DOCK8: variants seen among roughly 807,000 people sequenced by gnomAD.
DOCK8 encodes the protein dedicator of cytokinesis protein 8.
In DOCK8, 141 loss-of-function variants were observed where a neutral mutation model predicts 245.6. That is an observed-to-expected ratio of 0.57 (90% confidence interval 0.50 to 0.66). The LOEUF is 0.66. Among genes scored for constraint, DOCK8 ranks in the 30% least tolerant of loss-of-function variants. The pLI is 0.00. For synonymous variants in DOCK8, 1,168 were observed against 970.2 expected (o/e 1.20, Z -3.79); for missense variants, 2,965 against 2,603.4 (o/e 1.14, Z -3.02).
At position 406,412 on chromosome 9, in the gene DOCK8, G is replaced by A. The variant is rs530726840; in HGVS notation, c.3391-518G>A. On this transcript the variant is annotated intron_variant, in intron 27 of 47. Transcript: ENST00000432829. ...TGAGGCATGAGAATTGCTTGAACCC[G>A]GGAGAGGGAGGTTGCAGTGAGCTGA... 5.7e-4 allele frequency among the ~76,000 whole-genome samples: 86 copies of A among 151,604 alleles called. No individual in the cohort carries two copies. The South Asian group carries it at 0.015, about 26-fold the overall frequency.
chr9:298,513 G>A (rs2049368038), intron 4 of DOCK8, among the ~76,000 whole-genome samples: 2 of 152,044 alleles, frequency 1.3e-5, no homozygotes, highest in African/African-American at 4.8e-5. Context: ...TTAAAGCTGG[G>A]GAAAATATCT....
rs139484892 is a variant in DOCK8, at chr9:315,408, C to A, written c.742-1635C>A. On this transcript the variant is annotated intron_variant, in intron 6 of 47. Coordinates refer to ENST00000432829, the MANE Select transcript of DOCK8 (RefSeq NM_203447.4). ...TAGAAGAGACTGAGGAAATATATCA[C>A]CCAAATGTCATATGTGGACCTTGTT... Among the ~76,000 whole-genome samples, 433 of 152,210 alleles carry A rather than the reference C, an allele frequency of 2.8e-3. 1 individual carries two copies. The highest frequency in any genetic ancestry group is 0.01 in the African/African-American group (423 of 41,534).
chr9:371,577 T>G lies in DOCK8; in HGVS notation c.2007+11T>G, dbSNP rs762342159. The G allele has an allele frequency of 1.2e-6, 2 of 1,614,176 alleles. No homozygotes were observed. Among genetic ancestry groups the G allele is most frequent in the African/African-American group, 1.3e-5 (1 of 75,066 alleles). The stretch of plus-strand genomic sequence containing the variant: ...CTCCTGGGATATTCAGTGAGTTGTT[T>G]CCAGCCTGCTGACTCACACTGCAGT... On this transcript the variant is annotated intron_variant, in intron 17 of 47. Coordinates refer to ENST00000432829, the MANE Select transcript of DOCK8 (RefSeq NM_203447.4).
At chr9:375,138 C>T (rs184091758) in intron 18 of DOCK8, among the ~76,000 whole-genome samples, 19 of 152,312 alleles carry the variant, frequency 1.2e-4, no homozygotes, top group East Asian at 1.2e-3. Context: ...TCAAACAGAA[C>T]GTGTGTGTAG....
intron 16 of DOCK8, among the ~76,000 whole-genome samples, chr9:370,897 G>C (rs774726669): frequency 8.5e-5 from 13 of 152,178 alleles, no homozygotes; most frequent in Non-Finnish European, 1.6e-4. Context: ...ATTGGGATGA[G>C]GATTAAGTGA....
At position 464,635 on chromosome 9, in the gene DOCK8, C is replaced by A. The variant is rs1469076981; in HGVS notation, c.*416C>A. 4.1e-6 allele frequency: 1 copy of A among 243,856 alleles called. No individual in the cohort carries two copies. The highest frequency in any genetic ancestry group is 8.2e-6 in the Non-Finnish European group (1 of 122,450). The allele number at this position is 243,856 out of a possible 1,614,324, so 15.1% of individuals were successfully genotyped here. A position where few individuals can be genotyped will look rare whatever the true frequency, so the allele number is the denominator to read the frequency against. On this transcript the variant is annotated 3_prime_UTR_variant, in exon 48 of 48. Transcript: ENST00000432829. Reference sequence around the variant, plus strand: ...AAAATTATCCACCAGTCGATTCAAACTGAATTTCACTCTTTATAGGAAGGC... The same window carrying A: ...AAAATTATCCACCAGTCGATTCAAAATGAATTTCACTCTTTATAGGAAGGC...
At position 332,278 on chromosome 9, in the gene DOCK8, A is replaced by T. The variant is rs1201362215; in HGVS notation, c.1045-120A>T. ...TAAATTTTTTAATAAAAAAATATGTATCACAGATAGCTTCCTATGTCATCA... is the reference window on the plus strand; with the variant it reads ...TAAATTTTTTAATAAAAAAATATGTTTCACAGATAGCTTCCTATGTCATCA... On this transcript the variant is annotated intron_variant, in intron 9 of 47. Transcript: ENST00000432829. The T allele has an allele frequency of 2.3e-5, 16 of 697,776 alleles. 1 individual carries two copies. The highest frequency in any genetic ancestry group is 4.0e-5 in the Non-Finnish European group (16 of 396,982). 43.2% of individuals were successfully genotyped at this position (697,776 alleles called of 1,614,324 possible). A position where few individuals can be genotyped will look rare whatever the true frequency, so the allele number is the denominator to read the frequency against.
chr9:220,824 G>A (rs888664104), intron 1 of DOCK8: 6 of 347,386 alleles, frequency 1.7e-5, no homozygotes, highest in African/African-American at 4.6e-5. Context: ...GGATTCAAGC[G>A]ATTCTCCTGC....
intron 5 of DOCK8, among the ~76,000 whole-genome samples, chr9:305,518 C>T (rs1316493160): frequency 1.3e-5 from 2 of 152,164 alleles, no homozygotes; most frequent in Non-Finnish European, 2.9e-5. Flanking sequence ...ATCTCCTGAC[C>T]TTGTGATCCG....
chr9:403,998 A>G (rs7469153), intron 26 of DOCK8, among the ~76,000 whole-genome samples: 4 of 124,386 alleles, frequency 3.2e-5, no homozygotes, highest in East Asian at 2.2e-4. Flanking sequence ...ATATGTGTAT[A>G]TATATATATA....
At chr9:297,145 G>A (rs2049291465) in intron 4 of DOCK8, among the ~76,000 whole-genome samples, 1 of 152,140 alleles carries the variant, frequency 6.6e-6, no homozygotes, top group African/African-American at 2.4e-5. Context: ...GGAAAGAGAG[G>A]GTAGGGAAGA....
chr9:260,655 A>T (rs1370112520), intron 1 of DOCK8, among the ~76,000 whole-genome samples: 2 of 152,232 alleles, frequency 1.3e-5, no homozygotes, highest in African/African-American at 4.8e-5. Flanking sequence ...GCTGGCAGAA[A>T]ACTAGAAACA....
chr9:414,282 C>G (rs1015943952), intron 28 of DOCK8, among the ~76,000 whole-genome samples: 2 of 152,112 alleles, frequency 1.3e-5, no homozygotes, highest in Non-Finnish European at 2.9e-5. Context: ...AGAAACAATC[C>G]AAATGTTTAT....
chr9:282,803 G>C (rs1407495504), intron 2 of DOCK8, among the ~76,000 whole-genome samples: 2 of 152,118 alleles, frequency 1.3e-5, no homozygotes, highest in Non-Finnish European at 2.9e-5. Flanking sequence ...ATCTCCATGA[G>C]GCTTCTACTC....
rs1554708023 is a variant in DOCK8 at position 439,327 on chromosome 9, A to C, written c.5162A>C (p.Gln1721Pro). 1 of 1,614,138 alleles carries C rather than the reference A, an allele frequency of 6.2e-7. No homozygotes were observed. The highest frequency in any genetic ancestry group is 2.2e-5 in the East Asian group (1 of 44,864). ...SPDEDGVCAG[Q>P]YFTESGLVGL... ...GACGAGGATGGGGTGTGCGCAGGCC[A>C]GTACTTCACCGAGAGTGGCCTGGTA... The change falls in exon 40 of 48, where the codon CAG becomes CCG. Residue 1721 changes from glutamine (Q) to proline (P), a missense_variant. By Grantham distance (76) the Gln-to-Pro change is moderately conservative. This residue lies in a region of DOCK8 where 2,825 missense variants were observed against 2,453.5 expected (regional missense o/e 1.15). Transcript: ENST00000432829.
chr9:234,117 G>A (rs2131383126), intron 1 of DOCK8, among the ~76,000 whole-genome samples: 1 of 152,228 alleles, frequency 6.6e-6, no homozygotes, highest in Admixed American at 6.5e-5. Context: ...CTCAGCATTT[G>A]CTTGTCTGTA....
rs1269297855 is a variant in DOCK8 at position 451,943 on chromosome 9, A to ATGTG, written c.5962-58_5962-55dup. On this transcript the variant is annotated intron_variant, in intron 45 of 47. Transcript: ENST00000432829. ...CATATATATGTATGTGTATATATAT[A>ATGTG]TGTGTGTGTGTGTATATATATATAT... 629 of 305,210 alleles carry ATGTG rather than the reference A, an allele frequency of 2.1e-3. 4 individuals are homozygous for ATGTG. Among genetic ancestry groups the ATGTG allele is most frequent in the African/African-American group, 0.016 (563 of 34,826 alleles). The allele number at this position is 305,210 out of a possible 1,614,324, so 18.9% of individuals were successfully genotyped here.
chr9:344,071 ACAGAGTTAAT>A (rs1424442398), intron 14 of DOCK8, among the ~76,000 whole-genome samples: 2 of 151,994 alleles, frequency 1.3e-5, no homozygotes, highest in Non-Finnish European at 2.9e-5. Context: ...ACCCACAAAT[ACAGAGTTAAT>A]CTTCTTGAGC....
Position 399,184 on chromosome 9 carries a change from T to C in DOCK8, c.3159T>C (p.Ala1053=), listed in dbSNP as rs2054615116. ...CGGAAAAGATGAACATCAGCCTGGC[T>C]TTCTTCTTGTATGACCTTCTCTCCC... The part of the protein sequence containing the change: ...EQAEKMNISL[A]FFLYDLLSLM... Residue 1053 remains alanine, a synonymous_variant, in exon 26 of 48, where the codon GCT becomes GCC. Coordinates refer to ENST00000432829, the MANE Select transcript of DOCK8 (RefSeq NM_203447.4). 2 of 1,614,092 alleles carry C rather than the reference T, an allele frequency of 1.2e-6. No individual in the cohort carries two copies. The highest frequency in any genetic ancestry group is 1.1e-5 in the South Asian group (1 of 91,078).
Sources: allele counts gnomAD v4.1 joint callset (sites outside exome capture counted in the v4.1 genomes callset), GRCh38; gene constraint gnomAD v4.1.1; regional missense constraint gnomAD v4.1.1; transcripts MANE v1.5; gene names NCBI Gene and HGNC (gene_info 2026-07-23, HGNC 2026-07-21).